CD96: variants seen among roughly 807,000 people sequenced by gnomAD.
The protein encoded by CD96 is CD96 molecule, also known as T-cell surface protein tactile.
In CD96, 70 loss-of-function variants were observed where a neutral mutation model predicts 71.3. The observed-to-expected ratio is 0.98, with a 90% CI of 0.81 to 1.20. The LOEUF (loss-of-function observed/expected upper bound fraction) is 1.20. Among genes scored for constraint, CD96 ranks in the 50% most tolerant of loss-of-function variants. CD96 has a pLI of 0.00. For synonymous variants in CD96, 248 were observed against 233.0 expected, an observed-to-expected ratio of 1.06 and a Z score of -0.59; for missense variants, 742 against 677.5, an observed-to-expected ratio of 1.10 and a Z score of -1.06.
chr3:111,605,878 G>A lies in CD96; in HGVS notation c.1088-822G>A, dbSNP rs142346401. ...AAATAATTGATATATATCAGCAGAT[G>A]TGTAACACTGTAACCAGTAACATTA... On this transcript the variant is annotated intron_variant, in intron 7 of 13. Coordinates refer to ENST00000352690, the MANE Select transcript of CD96 (RefSeq NM_005816.5). Among the ~76,000 whole-genome samples the A allele has an allele frequency of 1.6e-4, 24 of 152,306 alleles. No homozygotes were observed. The East Asian group carries it at 4.6e-3, about 29-fold the overall frequency.
intron 12 of CD96, among the ~76,000 whole-genome samples, chr3:111,647,172 ACAG>A (rs1226726824): frequency 6.6e-6 from 1 of 151,706 alleles, no homozygotes; most frequent in Non-Finnish European, 1.5e-5. Context: ...CAAAATCCCC[ACAG>A]CACATAATTT....
At chr3:111,615,899 G>T (rs2107689432) in intron 8 of CD96, among the ~76,000 whole-genome samples, 1 of 152,182 alleles carries the variant, frequency 6.6e-6, no homozygotes, top group Non-Finnish European at 1.5e-5. Context: ...CAACATACCA[G>T]GATTTCTCTC....
At chr3:111,636,008 A>G (rs1457159938) in intron 10 of CD96, among the ~76,000 whole-genome samples, 3 of 152,238 alleles carry the variant, frequency 2.0e-5, no homozygotes, top group African/African-American at 7.2e-5. Context: ...TAATCATTAA[A>G]AAATTCTTAG....
At chr3:111,547,923 A>C (rs758481117) in intron 2 of CD96, among the ~76,000 whole-genome samples, 1 of 152,194 alleles carries the variant, frequency 6.6e-6, no homozygotes, top group Non-Finnish European at 1.5e-5. Context: ...GCTACAGAGT[A>C]GGCAGCTGAC....
At chr3:111,606,627 A>G (rs547053762) in intron 7 of CD96, 73 bp from the exon 8 acceptor site, 1 of 819,878 alleles carries the variant, frequency 1.2e-6, no homozygotes, top group African/African-American at 1.7e-5. Context: ...AAGTGTATTT[A>G]AGAACTAAGT....
Position 111,567,643 on chromosome 3 carries a change from C to T in CD96, c.539C>T (p.Ser180Leu), listed in dbSNP as rs1226112868. The change falls in exon 3 of 14, where the codon TCG (serine) becomes TTG (leucine). Residue 180 changes from serine to leucine, a missense_variant. Physicochemically the swap from Ser to Leu is moderately radical, Grantham distance 145 (BLOSUM62 -2). Transcript: ENST00000352690. ...TCATCTGAGTTCACCTATGCATGGTCGGTGGTAAGTGTTGCCCTTTTCAGT... is the reference window on the plus strand; with the variant it reads ...TCATCTGAGTTCACCTATGCATGGTTGGTGGTAAGTGTTGCCCTTTTCAGT... ...KISSEFTYAW[S>L]VEDNGTQETL... The T allele has an allele frequency of 3.7e-6, 6 of 1,612,968 alleles. No individual in the cohort carries two copies. Among genetic ancestry groups the T allele is most frequent in the East Asian group, 4.5e-5 (2 of 44,870 alleles).
In CD96 at chr3:111,542,321, A is replaced by G; in HGVS notation, c.61+12A>G. The G allele has an allele frequency of 6.2e-7, 1 of 1,610,096 alleles. No individual in the cohort carries two copies. ...ACATTTTGTCAAGGGTAAGACTTCC[A>G]GTTGTCCCTTCTTGTCGGATGGGCC... On this transcript the variant is annotated intron_variant, in intron 1 of 13. Coordinates refer to ENST00000352690, the MANE Select transcript of CD96 (RefSeq NM_005816.5).
At position 111,597,571 on chromosome 3, in the gene CD96, C is replaced by T. The variant is rs9882986; in HGVS notation, c.808-549C>T. Among the ~76,000 whole-genome samples the T allele has an allele frequency of 7.8e-3, 1,183 of 152,248 alleles. 12 individuals carry two copies. The highest frequency in any genetic ancestry group is 0.027 in the African/African-American group (1,117 of 41,536). On this transcript the variant is annotated intron_variant, in intron 5 of 13. Coordinates refer to ENST00000352690, the MANE Select transcript of CD96 (RefSeq NM_005816.5). ...CAAAAATAAGGCATGCTCTACCTAT[C>T]CTTAAGATTAAGCCAATGAATTGTT...
At chr3:111,571,002 T>C in intron 3 of CD96, 4 of 1,458,314 alleles carry the variant, frequency 2.7e-6, no homozygotes, top group Non-Finnish European at 3.8e-6. Context: ...CATCTCCTGC[T>C]CCTCCAGCTT....
At chr3:111,562,386 T>G (rs573479009) in intron 2 of CD96, among the ~76,000 whole-genome samples, 2 of 152,268 alleles carry the variant, frequency 1.3e-5, no homozygotes, top group South Asian at 4.1e-4. Context: ...AAAAAATATA[T>G]ATATATTTAT....
chr3:111,543,548 T>C (rs537450058), intron 1 of CD96, among the ~76,000 whole-genome samples: 11 of 152,268 alleles, frequency 7.2e-5, no homozygotes, highest in African/African-American at 2.6e-4. Flanking sequence ...TTGGAAGTTA[T>C]GTGGAAGGAA....
At chr3:111,643,564 T>C (rs552835989) in intron 12 of CD96, among the ~76,000 whole-genome samples, 1 of 152,004 alleles carries the variant, frequency 6.6e-6, no homozygotes, top group Non-Finnish European at 1.5e-5. Context: ...ATGATGACTG[T>C]TTACCTTGAA....
chr3:111,545,593 A>AT (rs1576295478), intron 2 of CD96, among the ~76,000 whole-genome samples, 191 bp downstream of exon 2: 1 of 152,368 alleles, frequency 6.6e-6, no homozygotes, highest in East Asian at 1.9e-4. Context: ...TGCAACAGTG[A>AT]TAAGTGTCGA....
intron 1 of CD96, among the ~76,000 whole-genome samples, chr3:111,543,578 T>C (rs143667048): frequency 1.2e-4 from 18 of 152,278 alleles, no homozygotes; most frequent in African/African-American, 4.1e-4. Context: ...AAATAAGTAA[T>C]AATAAAGTTT....
intron 5 of CD96, among the ~76,000 whole-genome samples, chr3:111,591,243 C>T (rs1414420380): frequency 2.6e-5 from 4 of 151,864 alleles, no homozygotes; most frequent in Non-Finnish European, 4.4e-5. Context: ...CGTGGTGGCA[C>T]GCACCTGTAG....
intron 2 of CD96, among the ~76,000 whole-genome samples, chr3:111,556,961 A>G (rs1283775671): frequency 3.6e-5 from 4 of 110,150 alleles, no homozygotes; most frequent in African/African-American, 8.7e-5. Context: ...GCCAGTGATG[A>G]TGAGCATTTT....
intron 5 of CD96, chr3:111,594,437 G>T: frequency 2.1e-6 from 1 of 470,096 alleles, no homozygotes. Context: ...TTCCTTCCAT[G>T]CCCCAGATAC....
chr3:111,645,554 T>C (rs1939791173), intron 12 of CD96, among the ~76,000 whole-genome samples: 1 of 152,154 alleles, frequency 6.6e-6, no homozygotes, highest in Admixed American at 6.6e-5. Context: ...TGTTCTTTCC[T>C]TTATCTAAAA....
chr3:111,585,356 ACT>A lies in CD96; in HGVS notation c.787_788del (p.Ser263HisfsTer33). 2 of 1,610,350 alleles carry A rather than the reference ACT, an allele frequency of 1.2e-6. No individual in the cohort carries two copies. Among genetic ancestry groups the A allele is most frequent in the Non-Finnish European group, 1.7e-6 (2 of 1,176,850 alleles). On this transcript the variant is annotated frameshift_variant, in exon 5 of 14. Transcript: ENST00000352690. LOFTEE classifies it high-confidence loss of function. The stretch of plus-strand genomic sequence containing the variant: ...GAAATCCCTGTGATTGTGGAAAATA[ACT>A]CCACGGATGTCTTGGTAGAGGTGAG...
Sources: allele counts gnomAD v4.1 joint callset (sites outside exome capture counted in the v4.1 genomes callset), GRCh38; gene constraint gnomAD v4.1.1; transcripts MANE v1.5; gene names NCBI Gene and HGNC (gene_info 2026-07-23, HGNC 2026-07-21).